RBPMS: variants seen among roughly 807,000 people sequenced by gnomAD.
The protein encoded by RBPMS is RNA-binding protein with multiple splicing.
In RBPMS, 7 loss-of-function variants were observed where a neutral mutation model predicts 26.8. The observed-to-expected ratio is 0.26, with a 90% CI of 0.15 to 0.49. The LOEUF (loss-of-function observed/expected upper bound fraction) is 0.49, where lower values mean the gene tolerates loss of function less well. Ranked by LOEUF, RBPMS falls within the 20% of genes least tolerant of loss-of-function variation. The probability of loss-of-function intolerance (pLI) is 0.98; values close to 1 mark genes in which losing one functional copy is unlikely to be tolerated. For missense variants in RBPMS, 186 were observed against 250.0 expected (o/e 0.74, Z 1.73); for synonymous variants, 96 against 93.3 (o/e 1.03, Z -0.17).
chr8:30,549,641 G>A (rs1434998880), intron 6 of RBPMS: 1 of 1,369,888 alleles, frequency 7.3e-7, no homozygotes, highest in African/African-American at 1.4e-5. Context: ...GGCGGACGGG[G>A]AGGCCAGGCC....
Position 30,464,838 on chromosome 8 carries a change from A to G in RBPMS, c.67-9941A>G, listed in dbSNP as rs574760567. ...ATTTCATTTTGTCAGTCCATGGAAA[A>G]GTCTTTATTGTGGTGATCATTTTGA... On this transcript the variant is annotated intron_variant, in intron 1 of 8. Transcript: ENST00000397323. 5.3e-5 allele frequency among the ~76,000 whole-genome samples: 8 copies of G among 152,284 alleles called. 1 individual carries two copies. In the East Asian group the frequency reaches 1.5e-3, roughly 29 times the overall value.
intron 1 of RBPMS, among the ~76,000 whole-genome samples, chr8:30,457,615 T>C (rs1383200640): frequency 6.9e-6 from 1 of 144,756 alleles, no homozygotes. Flanking sequence ...TTTTTTGAGA[T>C]GGAGTCTTGC....
rs1828265648 is a variant in RBPMS at position 30,571,877 on chromosome 8, C to G, written c.*1352C>G. 6.6e-6 allele frequency: 1 copy of G among 152,258 alleles called. No homozygotes were observed. The highest frequency in any genetic ancestry group is 2.4e-5 in the African/African-American group (1 of 41,470). 9.4% of individuals were successfully genotyped at this position (152,258 alleles called of 1,614,324 possible). On this transcript the variant is annotated 3_prime_UTR_variant, in exon 9 of 9. Transcript: ENST00000397323. ...ATTCAGCTGCCAAACACAGTCTTTC[C>G]TATTGATCCGCTCGGCTTATGTTGA...
chr8:30,442,045 C>T (rs917100027), intron 1 of RBPMS, among the ~76,000 whole-genome samples: 8 of 152,132 alleles, frequency 5.3e-5, no homozygotes, highest in Admixed American at 3.9e-4. Context: ...GCCTCAGCCT[C>T]CCCAAGTGCT....
At chr8:30,443,507 G>A (rs970535288) in intron 1 of RBPMS, among the ~76,000 whole-genome samples, 2 of 152,160 alleles carry the variant, frequency 1.3e-5, no homozygotes, top group African/African-American at 4.8e-5. Context: ...TAGGGTTGTG[G>A]TAGGGGGAAT....
At chr8:30,475,792 G>C (rs1026719495) in intron 2 of RBPMS, among the ~76,000 whole-genome samples, 5 of 152,204 alleles carry the variant, frequency 3.3e-5, no homozygotes. Context: ...AAACAGTCTA[G>C]CTTATGTGCC....
chr8:30,497,902 A>G lies in RBPMS; in HGVS notation c.247-6384A>G, dbSNP rs530457672. On this transcript the variant is annotated intron_variant, in intron 4 of 8. Transcript: ENST00000397323. ...CTCCCAAAGTGCTGGGATTACAGGC[A>G]TGATCCACCAAGCCCGGCCACAAGG... Among the ~76,000 whole-genome samples the G allele has an allele frequency of 1.3e-4, 19 of 152,000 alleles. 2 individuals are homozygous for G. Among genetic ancestry groups the G allele is most frequent in the African/African-American group, 1.9e-4 (8 of 41,462 alleles).
At chr8:30,433,088 A>G (rs1439669645) in intron 1 of RBPMS, among the ~76,000 whole-genome samples, 1 of 152,238 alleles carries the variant, frequency 6.6e-6, no homozygotes, top group Admixed American at 6.5e-5. Context: ...TGATTCAAAT[A>G]GCCAGCGGCC....
Position 30,385,106 on chromosome 8 carries a change from G to A in RBPMS, c.14G>A (p.Gly5Asp), listed in dbSNP as rs1169186610. ...AGGACCGGGAAGATGAACAACGGCG[G>A]CAAAGCCGAGAAGGAGAACACCCCG... is the stretch of plus-strand genomic sequence containing the variant. MNNGGKAEKENTPSE... is the reference protein window; with the variant it reads MNNGDKAEKENTPSE... The change falls in exon 1 of 9, where the codon GGC becomes GAC. Residue 5 changes from glycine to aspartate, a missense_variant. By Grantham distance (94) the Gly-to-Asp change is moderately conservative (BLOSUM62 -1). Transcript: ENST00000397323. The A allele has an allele frequency of 2.0e-6, 3 of 1,524,542 alleles. No individual in the cohort carries two copies. The highest frequency in any genetic ancestry group is 2.6e-6 in the Non-Finnish European group (3 of 1,137,346). The allele number at this position is 1,524,542 out of a possible 1,614,324, so 94.4% of individuals were successfully genotyped here.
chr8:30,537,660 C>A (rs1585806011), intron 5 of RBPMS: 3 of 456,104 alleles, frequency 6.6e-6, no homozygotes, highest in South Asian at 1.5e-5. Flanking sequence ...TGATTCACAT[C>A]CTGGCTCTGT....
chr8:30,516,068 G>T (rs987344047), intron 5 of RBPMS, among the ~76,000 whole-genome samples: 1 of 152,180 alleles, frequency 6.6e-6, no homozygotes, highest in Non-Finnish European at 1.5e-5. Context: ...AAAAACTTCT[G>T]GTCCTAATAA....
intron 1 of RBPMS, chr8:30,387,408 AC>A (rs1270834944): frequency 6.6e-6 from 1 of 152,042 alleles, no homozygotes; most frequent in Non-Finnish European, 1.5e-5. Flanking sequence ...TTTCTTTCTA[AC>A]CCTGAAAGCC....
At chr8:30,410,451 G>A (rs929210354) in intron 1 of RBPMS, among the ~76,000 whole-genome samples, 1 of 151,862 alleles carries the variant, frequency 6.6e-6, no homozygotes, top group Non-Finnish European at 1.5e-5. Context: ...CTTGTCATCT[G>A]CCCCCCTCGG....
intron 1 of RBPMS, among the ~76,000 whole-genome samples, chr8:30,446,247 A>C (rs1813748336): frequency 6.6e-6 from 1 of 152,096 alleles, no homozygotes; most frequent in Non-Finnish European, 1.5e-5. Context: ...TGCGAAGTAG[A>C]TTTGGTCATG....
At chr8:30,423,221 TTTA>T (rs1810993946) in intron 1 of RBPMS, among the ~76,000 whole-genome samples, 1 of 152,212 alleles carries the variant, frequency 6.6e-6, no homozygotes, top group African/African-American at 2.4e-5. Context: ...CAGGGCTCTT[TTTA>T]TTCTTTCTTC....
chr8:30,487,943 A>AT (rs1004945013), intron 4 of RBPMS, among the ~76,000 whole-genome samples: 6 of 150,748 alleles, frequency 4.0e-5, no homozygotes, highest in Admixed American at 6.6e-5. Flanking sequence ...GATATATAAG[A>AT]TTTTTTTTTT....
At chr8:30,502,337 A>AT (rs1820649166) in intron 4 of RBPMS, among the ~76,000 whole-genome samples, 1 of 152,136 alleles carries the variant, frequency 6.6e-6, no homozygotes, top group South Asian at 2.1e-4. Context: ...GCTTCAGTTG[A>AT]TTCTGGAACA....
chr8:30,531,514 G>C (rs537724893), intron 5 of RBPMS, among the ~76,000 whole-genome samples: 1 of 152,246 alleles, frequency 6.6e-6, no homozygotes, highest in Non-Finnish European at 1.5e-5. Flanking sequence ...GAAAGAAGCA[G>C]CTCAGTTAGT....
At chr8:30,492,334 T>A (rs1261106606) in intron 4 of RBPMS, among the ~76,000 whole-genome samples, 1 of 152,232 alleles carries the variant, frequency 6.6e-6, no homozygotes, top group Non-Finnish European at 1.5e-5. Flanking sequence ...GCATAATATG[T>A]ATTAGATGCA....
Sources: allele counts gnomAD v4.1 joint callset (sites outside exome capture counted in the v4.1 genomes callset), GRCh38; gene constraint gnomAD v4.1.1; transcripts MANE v1.5; gene names NCBI Gene and HGNC (gene_info 2026-07-23, HGNC 2026-07-21).